DHX34: variants seen among roughly 807,000 people sequenced by gnomAD.
DHX34 encodes probable ATP-dependent RNA helicase DHX34.
DHX34 carries 96 observed loss-of-function variants against 111.1 expected under a neutral mutation model. That is an observed-to-expected ratio of 0.86 (90% CI 0.73 to 1.02). DHX34 has a LOEUF of 1.02. Among genes scored for constraint, DHX34 ranks in the 50% least tolerant of loss-of-function variants. The pLI, the probability that DHX34 is intolerant of heterozygous loss-of-function variation, is 0.00. For synonymous variants in DHX34, 688 were observed against 670.4 expected, an observed-to-expected ratio of 1.03 and a Z score of -0.41; for missense variants, 1,560 against 1,579.9, an observed-to-expected ratio of 0.99 and a Z score of 0.21.
At chr19:47,364,187 GC>G (rs1282836263) in intron 6 of DHX34, among the ~76,000 whole-genome samples, 1 of 152,152 alleles carries the variant, frequency 6.6e-6, no homozygotes, top group Non-Finnish European at 1.5e-5. Context: ...AGGAGGGTTT[GC>G]GGGTCGAGCC....
chr19:47,351,185 T>TC (rs1969276522), intron 1 of DHX34, among the ~76,000 whole-genome samples: 1 of 138,050 alleles, frequency 7.2e-6, no homozygotes, highest in East Asian at 2.0e-4. Flanking sequence ...TTTTTTTTTT[T>TC]TTTTTTTTTT....
At chr19:47,377,480 G>A (rs1970206352) in intron 13 of DHX34, among the ~76,000 whole-genome samples, 1 of 137,498 alleles carries the variant, frequency 7.3e-6, no homozygotes, top group Non-Finnish European at 1.5e-5. Flanking sequence ...CTGCCCTCTC[G>A]GGCTCTAGTG....
chr19:47,367,642 C>G (rs866427312), intron 7 of DHX34, among the ~76,000 whole-genome samples: 1 of 152,122 alleles, frequency 6.6e-6, no homozygotes, highest in South Asian at 2.1e-4. Context: ...GTAATCCCAG[C>G]ACTTTGGGAG....
chr19:47,362,788 T>A, intron 6 of DHX34, 95 bp downstream of exon 6: 1 of 1,185,656 alleles, frequency 8.4e-7, no homozygotes, highest in Non-Finnish European at 1.1e-6. Context: ...TATTTTATTT[T>A]GAGATAGCGT....
chr19:47,352,454 T>C (rs1324648863), intron 1 of DHX34, among the ~76,000 whole-genome samples: 2 of 152,180 alleles, frequency 1.3e-5, no homozygotes, highest in Non-Finnish European at 2.9e-5. Context: ...GGTGGGGGAA[T>C]TGCTTGAGCC....
At position 47,362,594 on chromosome 19, in the gene DHX34, A is replaced by G. The variant is rs1417702941; in HGVS notation, c.1494A>G (p.Gly498=). Residue 498 remains glycine (G), a synonymous_variant, in exon 6 of 17, where the codon GGA becomes GGG. Transcript: ENST00000328771. ...RKGRAGRTGP[G]VCFRLYAESD... ...GCCGGGCGGGCCGCACGGGCCCCGG[A>G]GTCTGCTTCCGCCTCTATGCCGAAT... 6.2e-7 allele frequency: 1 copy of G among 1,613,828 alleles called. No homozygotes were observed.
At position 47,380,653 on chromosome 19, in the gene DHX34, A is replaced by G. The variant is rs527269119; in HGVS notation, c.2983-163A>G. On this transcript the variant is annotated intron_variant, in intron 14 of 16. Transcript: ENST00000328771. ...GGGTTATCAGGTATATTCTAGACAG[A>G]CCCCTGGTCATGTGTGTCTGCAGCC... 5 of 985,020 alleles carry G rather than the reference A, an allele frequency of 5.1e-6. No homozygotes were observed. The East Asian group carries it at 4.5e-4, about 90-fold the overall frequency. 61.0% of individuals were successfully genotyped at this position (985,020 alleles called of 1,614,324 possible).
At chr19:47,376,254 C>G in intron 11 of DHX34, 157 bp downstream of exon 11, 1 of 1,431,656 alleles carries the variant, frequency 7.0e-7, no homozygotes, top group Non-Finnish European at 9.2e-7. Context: ...CCCCAGACAA[C>G]CCAGAGTGGG....
At chr19:47,378,852 G>A (rs544713004) in intron 13 of DHX34, among the ~76,000 whole-genome samples, 8 of 151,520 alleles carry the variant, frequency 5.3e-5, no homozygotes, top group African/African-American at 9.7e-5. Context: ...ATAATAAGCC[G>A]GGCATGGTGG....
At chr19:47,379,677 C>T (rs901724644) in intron 13 of DHX34, 33 bp from the exon 14 acceptor site, 3 of 1,569,136 alleles carry the variant, frequency 1.9e-6, no homozygotes, top group African/African-American at 1.3e-5. Context: ...GCCCCTCCCA[C>T]CTACTCCCTG....
intron 13 of DHX34, among the ~76,000 whole-genome samples, chr19:47,378,569 C>T (rs1314803480): frequency 6.6e-6 from 1 of 152,204 alleles, no homozygotes; most frequent in Non-Finnish European, 1.5e-5. Context: ...CCAGCTCACA[C>T]CTGGAATCCC....
rs1568406038 is a variant in DHX34, at chr19:47,376,422, C to G, written c.2482-21C>G. ...GAGAGAGCAGATAGGAGGGCTTGTG[C>G]TTTCTCTCTGTCCTCCGCAGATTTT... On this transcript the variant is annotated intron_variant, in intron 11 of 16. Coordinates refer to ENST00000328771, the MANE Select transcript of DHX34 (RefSeq NM_014681.6). The G allele has an allele frequency of 5.0e-6, 8 of 1,606,050 alleles. No homozygotes were observed. In the Admixed American group the frequency reaches 1.0e-4, roughly 20 times the overall value.
intron 4 of DHX34, among the ~76,000 whole-genome samples, chr19:47,359,461 C>CAAA (rs112009015): frequency 1.8e-5 from 2 of 110,938 alleles, no homozygotes; most frequent in Non-Finnish European, 3.8e-5. Flanking sequence ...GATCCTGTCT[C>CAAA]AAAAAAAAAA....
intron 7 of DHX34, 66 bp from the exon 8 acceptor site, chr19:47,372,664 C>T (rs1599769311): frequency 6.8e-7 from 1 of 1,478,918 alleles, no homozygotes; most frequent in East Asian, 2.5e-5. Context: ...AGGCTGGGGC[C>T]CCGAGGGGTG....
In DHX34 at chr19:47,378,299, T is replaced by C. The variant is rs376521919; in HGVS notation, c.2706+1093T>C. ...CGTCTGGTGGGCCAGGCACTGTTAG[T>C]GTTCAGTGTTCTGGGGCCGGGGGTG... is the stretch of plus-strand genomic sequence containing the variant. On this transcript the variant is annotated intron_variant, in intron 13 of 16. Coordinates refer to ENST00000328771, the MANE Select transcript of DHX34 (RefSeq NM_014681.6). Among the ~76,000 whole-genome samples, 332 of 122,032 alleles carry C rather than the reference T, an allele frequency of 2.7e-3. 3 individuals are homozygous for C. The highest frequency in any genetic ancestry group is 0.013 in the African/African-American group (321 of 25,236). 80.1% of individuals were successfully genotyped at this position (122,032 alleles called of 152,430 possible).
At position 47,376,449 on chromosome 19, in the gene DHX34, C is replaced by T; in HGVS notation, c.2488C>T (p.His830Tyr). Residue 830 changes from histidine to tyrosine, a missense_variant, in exon 12 of 17, where the codon CAC becomes TAC. Physicochemically the swap from His to Tyr is moderately conservative, Grantham distance 83 (BLOSUM62 2). Coordinates refer to ENST00000328771, the MANE Select transcript of DHX34 (RefSeq NM_014681.6). The stretch of plus-strand genomic sequence containing the variant: ...TTCTCTCTGTCCTCCGCAGATTTTC[C>T]ACACGCAGGCCAAGCAGGGCGCCGT... ...SSRKDSDQIF[H>Y]TQAKQGAVLH... 1 of 1,611,462 alleles carries T rather than the reference C, an allele frequency of 6.2e-7. No individual in the cohort carries two copies. The highest frequency in any genetic ancestry group is 8.5e-7 in the Non-Finnish European group (1 of 1,179,076).
chr19:47,375,838 A>G, intron 10 of DHX34, 86 bp from the exon 11 acceptor site: 3 of 1,540,924 alleles, frequency 1.9e-6, no homozygotes, highest in Non-Finnish European at 1.7e-6. Flanking sequence ...GCTTGGTCCC[A>G]GGTATCTGCA....
rs367696080 is a variant in DHX34 at position 47,355,183 on chromosome 19, C to T, written c.850C>T (p.Arg284Trp). ...EVLIVDEVHERHLHNDFLLGV... is the reference protein window; with the variant it reads ...EVLIVDEVHEWHLHNDFLLGV... ...CCTGATTGTGGATGAAGTCCATGAG[C>T]GGCATCTCCACAACGATTTCCTCCT... Residue 284 changes from arginine to tryptophan, a missense_variant, in exon 3 of 17, where the codon CGG becomes TGG. Arg to Trp is a moderately radical substitution (Grantham distance 101, BLOSUM62 -3). Transcript: ENST00000328771. 17 of 1,614,090 alleles carry T rather than the reference C, an allele frequency of 1.1e-5. No individual in the cohort carries two copies. Among genetic ancestry groups the T allele is most frequent in the East Asian group, 6.7e-5 (3 of 44,894 alleles).
At position 47,367,036 on chromosome 19, in the gene DHX34, C is replaced by T. The variant is rs762393161; in HGVS notation, c.1649C>T (p.Pro550Leu). ...PRTFPFIEPP[P>L]PASLETAILY... is the part of the protein sequence containing the mutation. ...ACCTTCCCCTTCATCGAGCCCCCACCACCAGCCAGCCTGGAAACCGCCATC... is the reference window on the plus strand; with the variant it reads ...ACCTTCCCCTTCATCGAGCCCCCACTACCAGCCAGCCTGGAAACCGCCATC... The change falls in exon 7 of 17, where the codon CCA (proline) becomes CTA (leucine). Residue 550 changes from proline to leucine, a missense_variant. By Grantham distance (98) the Pro-to-Leu change is moderately conservative. Coordinates refer to ENST00000328771, the MANE Select transcript of DHX34 (RefSeq NM_014681.6). The T allele has an allele frequency of 3.1e-6, 5 of 1,604,950 alleles. No individual in the cohort carries two copies. In the East Asian group the frequency reaches 9.0e-5, roughly 29 times the overall value.
Sources: allele counts gnomAD v4.1 joint callset (sites outside exome capture counted in the v4.1 genomes callset), GRCh38; gene constraint gnomAD v4.1.1; transcripts MANE v1.5; gene names NCBI Gene and HGNC (gene_info 2026-07-23, HGNC 2026-07-21).